Variants in LRBA observed in about 807,000 individuals in gnomAD.
The protein encoded by LRBA is lipopolysaccharide-responsive and beige-like anchor protein.
A neutral mutation model predicts 330.0 loss-of-function variants in LRBA; 176 were observed. The ratio of observed to expected loss-of-function variants is 0.53; its 90% CI spans 0.47 to 0.60. The LOEUF (loss-of-function observed/expected upper bound fraction) is 0.60, where lower values mean the gene tolerates loss of function less well. Ranked by LOEUF, LRBA falls within the 20% of genes least tolerant of loss-of-function variation. The pLI, the probability that LRBA is intolerant of heterozygous loss-of-function variation, is 0.00. For missense variants in LRBA, 3,259 were observed against 3,444.8 expected, an observed-to-expected ratio of 0.95 and a Z score of 1.35; for synonymous variants, 1,230 against 1,193.0, an observed-to-expected ratio of 1.03 and a Z score of -0.64.
chr4:150,885,567 G>A (rs1484065373), intron 17 of LRBA, among the ~76,000 whole-genome samples: 1 of 152,046 alleles, frequency 6.6e-6, no homozygotes, highest in Non-Finnish European at 1.5e-5. Flanking sequence ...GTTGTAGTGA[G>A]CCAAGACCAT....
At chr4:151,005,287 T>A (rs1445686382) in intron 2 of LRBA, among the ~76,000 whole-genome samples, 1 of 151,296 alleles carries the variant, frequency 6.6e-6, no homozygotes, top group African/African-American at 2.4e-5. Context: ...CTACTACAAA[T>A]ACAAAAAATT....
At chr4:150,970,873 G>T (rs1210450296) in intron 2 of LRBA, 1 of 152,052 alleles carries the variant, frequency 6.6e-6, no homozygotes. Context: ...CCTACTATGT[G>T]CTGGGCATTA....
chr4:150,753,163 G>A (rs1227376920), intron 35 of LRBA, among the ~76,000 whole-genome samples: 1 of 152,128 alleles, frequency 6.6e-6, no homozygotes, highest in African/African-American at 2.4e-5. Flanking sequence ...GTATCCGACT[G>A]TACCTATTCT....
chr4:150,684,116 G>A (rs1283164013), intron 36 of LRBA, among the ~76,000 whole-genome samples: 1 of 152,190 alleles, frequency 6.6e-6, no homozygotes, highest in African/African-American at 2.4e-5. Context: ...TTGTATTATG[G>A]TAAGGAGTTT....
In LRBA at chr4:150,897,723, A is replaced by T; in HGVS notation, c.2004+16T>A. On this transcript the variant is annotated intron_variant, in intron 15 of 56. Transcript: ENST00000651943. ...TCAATACACGGTATGCTATGGAATA[A>T]GCAACGTGAACTCACCTTCATCACT... 6.4e-7 allele frequency: 1 copy of T among 1,574,096 alleles called. No individual in the cohort carries two copies. Among genetic ancestry groups the T allele is most frequent in the Non-Finnish European group, 8.7e-7 (1 of 1,144,738 alleles).
intron 40 of LRBA, among the ~76,000 whole-genome samples, chr4:150,547,968 G>GC (rs1345754248): frequency 6.6e-6 from 1 of 152,024 alleles, no homozygotes; most frequent in East Asian, 1.9e-4. Flanking sequence ...GAATTACAAT[G>GC]CCAGGGAACA....
chr4:150,502,179 A>G (rs763223597), intron 40 of LRBA, among the ~76,000 whole-genome samples: 34 of 152,216 alleles, frequency 2.2e-4, no homozygotes, highest in Non-Finnish European at 4.4e-4. Flanking sequence ...AGAAATTACA[A>G]TGAACAGTAC....
intron 28 of LRBA, chr4:150,840,750 T>C (rs996538070): frequency 1.0e-4 from 19 of 189,556 alleles, no homozygotes; most frequent in Non-Finnish European, 2.2e-5. Context: ...ATAAATGGCA[T>C]GGATAGACTA....
At chr4:150,744,148 T>C (rs1254065304) in intron 35 of LRBA, among the ~76,000 whole-genome samples, 4 of 152,234 alleles carry the variant, frequency 2.6e-5, no homozygotes, top group African/African-American at 7.2e-5. Flanking sequence ...AACCCACTAA[T>C]GAATAACTTC....
intron 37 of LRBA, among the ~76,000 whole-genome samples, chr4:150,629,743 A>G (rs1777191690): frequency 6.6e-6 from 1 of 151,540 alleles, no homozygotes; most frequent in African/African-American, 2.4e-5. Flanking sequence ...GCCGAGCTGC[A>G]TGGATTGCCT....
At chr4:150,984,911 A>G (rs1218850826) in intron 2 of LRBA, among the ~76,000 whole-genome samples, 4 of 152,172 alleles carry the variant, frequency 2.6e-5, no homozygotes. Flanking sequence ...ATTCTCTAAC[A>G]CTCAAATTTG....
At chr4:150,375,056 C>A (rs527774265) in intron 47 of LRBA, among the ~76,000 whole-genome samples, 1 of 137,744 alleles carries the variant, frequency 7.3e-6, no homozygotes, top group East Asian at 2.1e-4. Flanking sequence ...AACAAGAGGG[C>A]ATATAACCCA....
intron 47 of LRBA, among the ~76,000 whole-genome samples, chr4:150,371,261 C>T (rs1024832159): frequency 1.3e-4 from 19 of 144,344 alleles, no homozygotes; most frequent in Non-Finnish European, 2.1e-4. Context: ...GGCGTGATCC[C>T]GGCTCACTCC....
chr4:150,265,101 A>AAATT lies in LRBA; in HGVS notation c.*617_*620dup, dbSNP rs1745141007. ...ATGGTAACTATTTCACACTTGCTAT[A>AAATT]AATTAGATTCCTTGTGCTAACCACA... is the stretch of plus-strand genomic sequence containing the variant. On this transcript the variant is annotated 3_prime_UTR_variant, in exon 57 of 57. Transcript: ENST00000651943. The AAATT allele has an allele frequency of 6.5e-6, 1 of 152,792 alleles. No homozygotes were observed. Among genetic ancestry groups the AAATT allele is most frequent in the South Asian group, 2.1e-4 (1 of 4,842 alleles). 9.5% of individuals were successfully genotyped at this position (152,792 alleles called of 1,614,324 possible).
intron 47 of LRBA, among the ~76,000 whole-genome samples, chr4:150,356,876 T>C (rs771431862): frequency 1.3e-5 from 2 of 151,948 alleles, no homozygotes; most frequent in Admixed American, 1.3e-4. Flanking sequence ...TTTATCCTAT[T>C]TACAAAGAAA....
intron 2 of LRBA, among the ~76,000 whole-genome samples, chr4:150,937,040 A>C (rs1198510691): frequency 6.6e-6 from 1 of 152,074 alleles, no homozygotes; most frequent in East Asian, 1.9e-4. Context: ...TAATTTCCAA[A>C]AAAAGCCCCA....
intron 17 of LRBA, among the ~76,000 whole-genome samples, chr4:150,887,594 C>T (rs1260978145): frequency 1.3e-5 from 2 of 151,824 alleles, no homozygotes; most frequent in Non-Finnish European, 2.9e-5. Flanking sequence ...CGGTGAAACC[C>T]TGTCTCTACT....
At chr4:150,328,846 A>T (rs1449331958) in intron 48 of LRBA, among the ~76,000 whole-genome samples, 2 of 152,210 alleles carry the variant, frequency 1.3e-5, no homozygotes, top group Non-Finnish European at 2.9e-5. Flanking sequence ...TAGAGAAGCT[A>T]TGAATGATGA....
chr4:150,619,082 A>G lies in LRBA; in HGVS notation c.5922-19951T>C, dbSNP rs1356124629. 5.9e-5 allele frequency among the ~76,000 whole-genome samples: 9 copies of G among 152,144 alleles called. No homozygotes were observed. In the East Asian group the frequency reaches 7.7e-4, roughly 13 times the overall value. Reference sequence around the variant, plus strand: ...AGCAAAGTCATTATTTCTAAGTTTTATAAGTTTATTATCAATGCAAGTTTA... The same window carrying G: ...AGCAAAGTCATTATTTCTAAGTTTTGTAAGTTTATTATCAATGCAAGTTTA... On this transcript the variant is annotated intron_variant, in intron 37 of 56. Coordinates refer to ENST00000651943, the MANE Select transcript of LRBA (RefSeq NM_001364905.1).
Sources: gnomAD v4.1 joint callset for allele counts (sites outside exome capture counted in the v4.1 genomes callset) on GRCh38, gnomAD v4.1.1 for gene constraint, MANE v1.5 for transcripts, NCBI Gene and HGNC (gene_info 2026-07-23, HGNC 2026-07-21) for gene names.